USP49: variants seen among roughly 807,000 people sequenced by gnomAD.
The protein encoded by USP49 is ubiquitin carboxyl-terminal hydrolase 49.
Under a neutral mutation model 58.6 loss-of-function variants are expected in USP49, and 24 were observed. The observed-to-expected ratio is 0.41, with a 90% CI of 0.30 to 0.58. The LOEUF (loss-of-function observed/expected upper bound fraction) is 0.58. Among genes scored for constraint, USP49 ranks in the 20% least tolerant of loss-of-function variants. The pLI, the probability that USP49 is intolerant of heterozygous loss-of-function variation, is 0.30. For missense variants in USP49, 703 were observed against 866.1 expected (o/e 0.81, Z 2.36); for synonymous variants, 408 against 365.1 (o/e 1.12, Z -1.34).
intron 3 of USP49, among the ~76,000 whole-genome samples, chr6:41,843,624 T>C (rs565446500): frequency 9.2e-5 from 14 of 152,122 alleles, no homozygotes; most frequent in Non-Finnish European, 1.8e-4. Flanking sequence ...TTAAAAGAAA[T>C]AGGCTGAGTG....
At position 41,810,328 on chromosome 6, in the gene USP49, A is replaced by C. The variant is rs184202203; in HGVS notation, c.-28-3317T>G. Among the ~76,000 whole-genome samples, 783 of 149,458 alleles carry C rather than the reference A, an allele frequency of 5.2e-3. 8 individuals carry two copies. The highest frequency in any genetic ancestry group is 0.017 in the African/African-American group (711 of 40,964). The stretch of plus-strand genomic sequence containing the variant: ...AAACCCCGTCTCTACTAAAAAAAAA[A>C]ACACAAAAAAAATTAGCCAGGTGTG... On this transcript the variant is annotated intron_variant, in intron 3 of 7. Transcript: ENST00000682992.
In USP49 at chr6:41,790,370, T is replaced by C. The variant is rs751623822; in HGVS notation, c.*6163A>G. 1 of 152,214 alleles carries C rather than the reference T, an allele frequency of 6.6e-6. No individual in the cohort carries two copies. The highest frequency in any genetic ancestry group is 1.5e-5 in the Non-Finnish European group (1 of 68,052). The allele number at this position is 152,214 out of a possible 1,614,324, so 9.4% of individuals were successfully genotyped here. A position where few individuals can be genotyped will look rare whatever the true frequency, so the allele number is the denominator to read the frequency against. Reference sequence around the variant, plus strand: ...AAATGTTTTGTGACCCTAAAATTCATGGTAGTGCTACTGTCCAGGGTTTGG... The same window carrying C: ...AAATGTTTTGTGACCCTAAAATTCACGGTAGTGCTACTGTCCAGGGTTTGG... On this transcript the variant is annotated 3_prime_UTR_variant, in exon 8 of 8. Transcript: ENST00000682992.
At chr6:41,813,810 C>T (rs927561860) in intron 3 of USP49, among the ~76,000 whole-genome samples, 6 of 152,214 alleles carry the variant, frequency 3.9e-5, no homozygotes, top group Admixed American at 1.3e-4. Flanking sequence ...CTAAGAGTGA[C>T]ACAAAAGATA....
intron 2 of USP49, among the ~76,000 whole-genome samples, chr6:41,878,216 A>C (rs1774536399): frequency 6.6e-6 from 1 of 152,328 alleles, no homozygotes; most frequent in South Asian, 2.1e-4. Flanking sequence ...TAGCAAAAAG[A>C]AACACTGATA....
At chr6:41,876,601 A>AG (rs1032851229) in intron 2 of USP49, among the ~76,000 whole-genome samples, 1 of 152,034 alleles carries the variant, frequency 6.6e-6, no homozygotes, top group African/African-American at 2.4e-5. Flanking sequence ...TTTGGTAAAG[A>AG]GGGGGTTTCA....
intron 2 of USP49, among the ~76,000 whole-genome samples, chr6:41,888,710 C>T (rs1774760315): frequency 6.6e-6 from 1 of 152,190 alleles, no homozygotes; most frequent in Non-Finnish European, 1.5e-5. Flanking sequence ...GCCTCAGCCT[C>T]CCAAAGGGCT....
At chr6:41,892,964 A>T in intron 1 of USP49, among the ~76,000 whole-genome samples, 1 of 152,210 alleles carries the variant, frequency 6.6e-6, no homozygotes, top group East Asian at 1.9e-4. Context: ...GAATAACCAA[A>T]TTTTGCCCCA....
chr6:41,878,566 CT>C (rs1774544199), intron 2 of USP49, among the ~76,000 whole-genome samples: 1 of 152,186 alleles, frequency 6.6e-6, no homozygotes, highest in African/African-American at 2.4e-5. Context: ...CTTCATCACT[CT>C]GCTTAAATCT....
intron 3 of USP49, among the ~76,000 whole-genome samples, chr6:41,825,328 A>C (rs1773519022): frequency 2.0e-5 from 3 of 152,226 alleles, no homozygotes. Context: ...AAATGTTGAC[A>C]GAAAGAAACT....
At chr6:41,867,389 C>T (rs1172437908) in intron 3 of USP49, among the ~76,000 whole-genome samples, 1 of 152,114 alleles carries the variant, frequency 6.6e-6, no homozygotes, top group South Asian at 2.1e-4. Flanking sequence ...TTTCTGTCTG[C>T]AAGTTTCTAT....
chr6:41,802,432 A>ATTTTATTTTATTTTATTTTATTTTAT (rs772710803), intron 5 of USP49, among the ~76,000 whole-genome samples: 43 of 58,758 alleles, frequency 7.3e-4, no homozygotes, highest in East Asian at 1.3e-3. Flanking sequence ...ATTTTATTTT[A>ATTTTATTTTATTTTATTTTATTTTAT]TTTATTTATT....
At chr6:41,815,415 C>T (rs1012204928) in intron 3 of USP49, among the ~76,000 whole-genome samples, 7 of 148,934 alleles carry the variant, frequency 4.7e-5, no homozygotes, top group East Asian at 2.0e-4. Context: ...AGTGAGACTC[C>T]GTCTCAAAAA....
intron 3 of USP49, chr6:41,868,473 A>C (rs1774359171): frequency 6.6e-6 from 1 of 152,146 alleles, no homozygotes; most frequent in Non-Finnish European, 1.5e-5. Context: ...GATTACAGGC[A>C]CACACCACCA....
intron 3 of USP49, among the ~76,000 whole-genome samples, chr6:41,835,195 A>G (rs749395249): frequency 4.6e-5 from 7 of 152,162 alleles, no homozygotes; most frequent in Non-Finnish European, 7.3e-5. Context: ...AGACTTAATA[A>G]TGACTTTTGG....
chr6:41,806,162 G>A lies in USP49; in HGVS notation c.822C>T (p.Leu274=), dbSNP rs1269358183. ...MNSILQVLSH[L]QKFRECFLNL... Reference sequence around the variant, plus strand: ...TGAGGAAACATTCTCGGAACTTCTGGAGGTGGCTGAGCACCTGGAGGATGG... The same window carrying A: ...TGAGGAAACATTCTCGGAACTTCTGAAGGTGGCTGAGCACCTGGAGGATGG... The change falls in exon 4 of 8, where the codon CTC becomes CTT. Residue 274 remains leucine (L), a synonymous_variant. Coordinates refer to ENST00000682992, the MANE Select transcript of USP49 (RefSeq NM_001286554.2). This position sits in a 1 kb window ranked among gnomAD's most constrained non-coding sequence, Gnocchi z 5.9. The A allele has an allele frequency of 6.2e-7, 1 of 1,613,518 alleles. No individual in the cohort carries two copies. The highest frequency in any genetic ancestry group is 1.1e-5 in the South Asian group (1 of 91,092).
At chr6:41,849,989 T>C (rs1773996003) in intron 3 of USP49, among the ~76,000 whole-genome samples, 1 of 152,084 alleles carries the variant, frequency 6.6e-6, no homozygotes, top group African/African-American at 2.4e-5. Context: ...TATGTGGAAA[T>C]TAAACAATCC....
intron 3 of USP49, among the ~76,000 whole-genome samples, chr6:41,818,184 C>A (rs1444337907): frequency 6.6e-6 from 1 of 152,104 alleles, no homozygotes; most frequent in Non-Finnish European, 1.5e-5. Flanking sequence ...CTGAAGGGAT[C>A]AGACTTTTTG....
At chr6:41,883,916 T>C (rs1323355108) in intron 2 of USP49, among the ~76,000 whole-genome samples, 2 of 152,198 alleles carry the variant, frequency 1.3e-5, no homozygotes, top group African/African-American at 4.8e-5. Flanking sequence ...ACTGGTATCA[T>C]TGTTTATGGT....
At chr6:41,837,314 C>T in intron 3 of USP49, among the ~76,000 whole-genome samples, 1 of 152,140 alleles carries the variant, frequency 6.6e-6, no homozygotes, top group East Asian at 1.9e-4. Flanking sequence ...CGTACACCTA[C>T]AACCATCTGA....
Sources: allele counts gnomAD v4.1 joint callset (sites outside exome capture counted in the v4.1 genomes callset), GRCh38; gene constraint gnomAD v4.1.1; non-coding constraint Gnocchi (gnomAD v3.1); transcripts MANE v1.5; gene names NCBI Gene and HGNC (gene_info 2026-07-23, HGNC 2026-07-21).